TTLL8: variants seen among roughly 807,000 people sequenced by gnomAD.
TTLL8 encodes protein monoglycylase TTLL8.
Under a neutral mutation model 77.8 loss-of-function variants are expected in TTLL8, and 65 were observed. That is an observed-to-expected ratio of 0.84 (90% CI 0.68 to 1.03). The LOEUF (loss-of-function observed/expected upper bound fraction) is 1.03. Among genes scored for constraint, TTLL8 ranks in the 50% least tolerant of loss-of-function variants. The pLI, the probability that TTLL8 is intolerant of heterozygous loss-of-function variation, is 0.00. For missense variants in TTLL8, 910 were observed against 1,004.5 expected (o/e 0.91, Z 1.27); for synonymous variants, 402 against 422.8 (o/e 0.95, Z 0.60).
At chr22:50,030,895 A>G (rs371648224) in exon 12 of TTLL8, 2 of 1,323,106 alleles carry the variant, frequency 1.5e-6, no homozygotes, top group African/African-American at 3.0e-5. Flanking sequence ...CAGAGGTCGG[A>G]CCCGCTGAAT....
upstream of TTLL8, among the ~76,000 whole-genome samples, chr22:50,056,551 G>A (rs1271759915): frequency 6.6e-6 from 1 of 152,204 alleles, no homozygotes; most frequent in Non-Finnish European, 1.5e-5. This position sits in a 1 kb window ranked among gnomAD's most constrained non-coding sequence, Gnocchi z 4.1. Context: ...GAGGGCAAGG[G>A]CAGGAAGGAA....
chr22:50,030,973 G>A, intron 11 of TTLL8, 48 bp from the exon 13 acceptor site: 1 of 1,293,368 alleles, frequency 7.7e-7, no homozygotes, highest in Non-Finnish European at 1.0e-6. Context: ...CCGGGATAGG[G>A]GGGGTCCCTG....
rs560341031 is a variant in TTLL8 at position 50,023,639 on chromosome 22, C to T, written c.2203+6791G>A. Reference sequence around the variant, plus strand: ...GGCGGAGGTTGCAGTGAGCCAAGATCGCACCGCTGCACTCCAGCCTGGCAA... The same window carrying T: ...GGCGGAGGTTGCAGTGAGCCAAGATTGCACCGCTGCACTCCAGCCTGGCAA... On this transcript the variant is annotated intron_variant, in intron 12 of 13. Coordinates refer to ENST00000266182, the Ensembl canonical transcript of TTLL8. 2.5e-3 allele frequency among the ~76,000 whole-genome samples: 385 copies of T among 152,084 alleles called. 1 individual carries two copies. Among genetic ancestry groups the T allele is most frequent in the African/African-American group, 8.8e-3 (366 of 41,464 alleles).
chr22:50,030,782 C>T (rs1341514873), exon 12 of TTLL8: 21 of 1,348,152 alleles, frequency 1.6e-5, no homozygotes, highest in Non-Finnish European at 1.9e-5. Context: ...CCGAGGGGCC[C>T]CGTGCCTTCA....
At chr22:50,058,176 C>A (rs921501781), upstream of TTLL8, among the ~76,000 whole-genome samples, 7 of 151,834 alleles carry the variant, frequency 4.6e-5, no homozygotes, top group African/African-American at 1.5e-4. This position sits in a 1 kb window ranked among gnomAD's most constrained non-coding sequence, Gnocchi z 4.2. Context: ...CAGTGGCTCG[C>A]GCTGCGCCGC....
intron 8 of TTLL8, among the ~76,000 whole-genome samples, chr22:50,036,762 C>G (rs1569227096): frequency 6.6e-6 from 1 of 152,098 alleles, no homozygotes; most frequent in Non-Finnish European, 1.5e-5. Context: ...CCATGCCCAG[C>G]TAACTTTTGT....
rs142236711 is a variant in TTLL8, at chr22:50,037,536, T to C, written c.922-3074A>G. Reference sequence around the variant, plus strand: ...CATTCTTAAAAACCTTTCACATATATGATATATCAAACTAATTTTTGTGTA... The same window carrying C: ...CATTCTTAAAAACCTTTCACATATACGATATATCAAACTAATTTTTGTGTA... On this transcript the variant is annotated intron_variant, in intron 8 of 13. Transcript: ENST00000266182. Among the ~76,000 whole-genome samples the C allele has an allele frequency of 5.9e-5, 9 of 152,322 alleles. No homozygotes were observed. In the East Asian group the frequency reaches 1.7e-3, roughly 29 times the overall value.
exon 11 of TTLL8, chr22:50,031,839 G>A (rs1361939085): frequency 7.3e-7 from 1 of 1,367,252 alleles, no homozygotes; most frequent in East Asian, 4.5e-5. Flanking sequence ...GCCAGGGCCT[G>A]AAGTCCCTCC....
intron 1 of TTLL8, among the ~76,000 whole-genome samples, chr22:50,051,690 G>A (rs1167464494): frequency 4.6e-5 from 7 of 152,060 alleles, no homozygotes; most frequent in Non-Finnish European, 7.3e-5. Flanking sequence ...ACTTCCACGC[G>A]GACCTCTATT....
chr22:50,025,437 C>T (rs950677718), intron 12 of TTLL8, among the ~76,000 whole-genome samples: 3 of 152,038 alleles, frequency 2.0e-5, no homozygotes, highest in Non-Finnish European at 1.5e-5. Flanking sequence ...GTCGGGAGTT[C>T]GAGACCAGCC....
At chr22:50,049,304 A>G (rs2061430816) in exon 3 of TTLL8, 1 of 1,367,576 alleles carries the variant, frequency 7.3e-7, no homozygotes, top group Non-Finnish European at 9.8e-7. Flanking sequence ...ATTTTCTTTG[A>G]CTTTGGCACA....
intron 3 of TTLL8, 82 bp downstream of exon 5, chr22:50,049,167 G>A (rs1461016939): frequency 7.4e-7 from 1 of 1,357,170 alleles, no homozygotes; most frequent in Non-Finnish European, 9.8e-7. Flanking sequence ...CCAGGACATG[G>A]GAGAGTGGGC....
intron 6 of TTLL8, among the ~76,000 whole-genome samples, chr22:50,043,869 G>A (rs1302902217): frequency 1.3e-5 from 2 of 152,092 alleles, no homozygotes; most frequent in Non-Finnish European, 2.9e-5. Context: ...CGGGGGCGGG[G>A]GGATGAAGAG....
At chr22:50,052,579 G>C (rs1238443989) in intron 1 of TTLL8, among the ~76,000 whole-genome samples, 1 of 152,154 alleles carries the variant, frequency 6.6e-6, no homozygotes, top group Non-Finnish European at 1.5e-5. Context: ...AAAAGGCAAA[G>C]AGACCATCAA....
chr22:50,046,907 C>G (rs940566962), intron 4 of TTLL8, among the ~76,000 whole-genome samples: 3 of 152,234 alleles, frequency 2.0e-5, no homozygotes, highest in African/African-American at 7.2e-5. Flanking sequence ...CCAGTCAGCC[C>G]CATCTTTGGC....
intron 4 of TTLL8, 98 bp downstream of exon 6, chr22:50,047,070 G>A (rs1483055268): frequency 1.6e-6 from 2 of 1,280,400 alleles, no homozygotes; most frequent in Non-Finnish European, 2.0e-6. Context: ...GAGGTGACTG[G>A]TGGCCACTGA....
intron 8 of TTLL8, among the ~76,000 whole-genome samples, chr22:50,038,679 G>A (rs1413921855): frequency 2.0e-5 from 3 of 152,104 alleles, no homozygotes; most frequent in Non-Finnish European, 4.4e-5. Flanking sequence ...CAGTGTGGTG[G>A]CACGTGCCTG....
chr22:50,049,628 C>T (rs916562907), intron 2 of TTLL8, among the ~76,000 whole-genome samples: 3 of 151,896 alleles, frequency 2.0e-5, no homozygotes, highest in East Asian at 1.9e-4. Context: ...GGAGACAGCC[C>T]GGGATGGGGG....
upstream of TTLL8, chr22:50,055,403 C>T: frequency 8.8e-7 from 1 of 1,141,604 alleles, no homozygotes; most frequent in Non-Finnish European, 1.2e-6. Context: ...CCTGTAATCC[C>T]AGCACTGTGG....
Sources: gnomAD v4.1 joint callset for allele counts (sites outside exome capture counted in the v4.1 genomes callset) on GRCh38, gnomAD v4.1.1 for gene constraint, Gnocchi (gnomAD v3.1) non-coding constraint, MANE v1.5 for transcripts, NCBI Gene and HGNC (gene_info 2026-07-23, HGNC 2026-07-21) for gene names.